Variants in ZNF532 observed in about 807,000 individuals in gnomAD.
The protein encoded by ZNF532 is zinc finger protein 532.
ZNF532 carries 22 observed loss-of-function variants against 89.3 expected under a neutral mutation model. The ratio of observed to expected loss-of-function variants is 0.25; its 90% confidence interval spans 0.18 to 0.35. ZNF532 has a LOEUF of 0.35. Among genes scored for constraint, ZNF532 ranks in the 10% least tolerant of loss-of-function variants. ZNF532 has a pLI of 1.00. For synonymous variants in ZNF532, 606 were observed against 649.6 expected (o/e 0.93, Z 1.02); for missense variants, 1,132 against 1,643.4 (o/e 0.69, Z 5.38).
chr18:58,914,692 TAAATA>T (rs1201633451), intron 2 of ZNF532, among the ~76,000 whole-genome samples: 2 of 152,052 alleles, frequency 1.3e-5, no homozygotes, highest in Non-Finnish European at 2.9e-5. Context: ...AAAAAATAAA[TAAATA>T]AAATAAAAGA....
At position 58,878,641 on chromosome 18, in the gene ZNF532, G is replaced by A. The variant is rs188901190; in HGVS notation, c.-18+13062G>A. Among the ~76,000 whole-genome samples, 17 of 152,354 alleles carry A rather than the reference G, an allele frequency of 1.1e-4. 1 individual carries two copies. Among genetic ancestry groups the A allele is most frequent in the Middle Eastern group, 3.4e-3 (1 of 294 alleles). ...CGTGGCCCAGGTGGCTGAGGTGAGG[G>A]GTGTGCATTGGGAGAGGCAGTAGCT... On this transcript the variant is annotated intron_variant, in intron 2 of 9. Coordinates refer to ENST00000591808, the MANE Select transcript of ZNF532 (RefSeq NM_001375912.1).
At chr18:58,867,057 C>G (rs768488600) in intron 2 of ZNF532, among the ~76,000 whole-genome samples, 31 of 152,338 alleles carry the variant, frequency 2.0e-4, no homozygotes, top group Non-Finnish European at 3.7e-4. Flanking sequence ...GCTGCTTCTG[C>G]GTTTCTGATG....
chr18:58,918,435 G>T lies in ZNF532; in HGVS notation c.148G>T (p.Asp50Tyr). The T allele has an allele frequency of 6.2e-7, 1 of 1,614,166 alleles. No homozygotes were observed. Among genetic ancestry groups the T allele is most frequent in the South Asian group, 1.1e-5 (1 of 91,080 alleles). The stretch of plus-strand genomic sequence containing the variant: ...GAAGCAGAATGCTCACGGAGAGGAT[G>T]ACTCCCACGCACCATCATCTTCTGA... ...HMKQNAHGEDDSHAPSSSDVG... is the reference protein window; with the variant it reads ...HMKQNAHGEDYSHAPSSSDVG... The change falls in exon 3 of 10, where the codon GAC (aspartate) becomes TAC (tyrosine). Residue 50 changes from aspartate (D) to tyrosine (Y), a missense_variant. Physicochemically the swap from Asp to Tyr is radical, Grantham distance 160. Coordinates refer to ENST00000591808, the MANE Select transcript of ZNF532 (RefSeq NM_001375912.1).
chr18:58,866,534 G>T (rs955854288), intron 2 of ZNF532, among the ~76,000 whole-genome samples: 3 of 152,218 alleles, frequency 2.0e-5, no homozygotes, highest in African/African-American at 2.4e-5. Flanking sequence ...CTTTCTGCTG[G>T]TTTTTGGTAA....
chr18:58,888,842 T>TATATATATA (rs1491117857), intron 2 of ZNF532, among the ~76,000 whole-genome samples: 1,671 of 44,758 alleles, frequency 0.037, 139 homozygotes, highest in South Asian at 0.046. Flanking sequence ...ATATATAATT[T>TATATATATA]ATATATATAT....
intron 3 of ZNF532, 66 bp downstream of exon 3, chr18:58,920,699 G>A: frequency 1.4e-6 from 2 of 1,408,236 alleles, no homozygotes; most frequent in East Asian, 2.3e-5. Flanking sequence ...TTGATAAGAT[G>A]CCCTTGATTT....
rs894878686 is a variant in ZNF532 at position 58,983,963 on chromosome 18, C to T, written c.3412-9C>T. Reference sequence around the variant, plus strand: ...TTCAGTCGTGTCATTTGCTTTCTTTCCCTGAAAGGTCCCCAGTCCCAAGCG... The same window carrying T: ...TTCAGTCGTGTCATTTGCTTTCTTTTCCTGAAAGGTCCCCAGTCCCAAGCG... On this transcript the variant is annotated splice_polypyrimidine_tract_variant and intron_variant, in intron 9 of 9. Transcript: ENST00000591808. 1.9e-6 allele frequency: 3 copies of T among 1,596,640 alleles called. No individual in the cohort carries two copies. Among genetic ancestry groups the T allele is most frequent in the East Asian group, 4.5e-5 (2 of 44,612 alleles).
At chr18:58,968,628 G>A (rs2066158020) in intron 7 of ZNF532, among the ~76,000 whole-genome samples, 1 of 152,212 alleles carries the variant, frequency 6.6e-6, no homozygotes, top group Non-Finnish European at 1.5e-5. Flanking sequence ...ATGGCAGGTA[G>A]AGCGTAGACA....
intron 2 of ZNF532, among the ~76,000 whole-genome samples, chr18:58,880,768 G>GTGTA (rs1568227586): frequency 2.3e-4 from 33 of 145,408 alleles, no homozygotes; most frequent in African/African-American, 8.6e-4. Flanking sequence ...GCGCACGCGC[G>GTGTA]CGCGTCTGTG....
In ZNF532 at chr18:58,985,785, T is replaced by TTTA. The variant is rs2068335923; in HGVS notation, c.*1319_*1320insTTA. 6.6e-6 allele frequency: 1 copy of TTTA among 150,770 alleles called. No homozygotes were observed. The allele number at this position is 150,770 out of a possible 1,614,324, so 9.3% of individuals were successfully genotyped here. On this transcript the variant is annotated 3_prime_UTR_variant, in exon 10 of 10. Coordinates refer to ENST00000591808, the MANE Select transcript of ZNF532 (RefSeq NM_001375912.1). ...TTTGTACCTTTTTTTTTTTTTTTTTTAAGAAAAGGAATTCTTTTGTGTATA... is the reference window on the plus strand; with the variant it reads ...TTTGTACCTTTTTTTTTTTTTTTTTTTTAAAGAAAAGGAATTCTTTTGTGTATA...
chr18:58,895,699 G>C (rs538879513), intron 2 of ZNF532, among the ~76,000 whole-genome samples: 3 of 152,208 alleles, frequency 2.0e-5, no homozygotes, highest in South Asian at 2.1e-4. Flanking sequence ...ATGGGCAAAG[G>C]CTAAAAATCG....
At chr18:58,942,236 A>G (rs997547616) in intron 5 of ZNF532, among the ~76,000 whole-genome samples, 29 of 149,858 alleles carry the variant, frequency 1.9e-4, no homozygotes, top group Non-Finnish European at 3.0e-4. Flanking sequence ...GTTAGCCAGG[A>G]TGGTCTCGAA....
intron 5 of ZNF532, among the ~76,000 whole-genome samples, chr18:58,942,354 CCTT>C (rs1568383442): frequency 0.016 from 989 of 59,994 alleles, 34 homozygotes; most frequent in African/African-American, 0.028. Context: ...TCCCTCCCTT[CCTT>C]CCTTCCTTCC....
At chr18:58,974,672 C>T (rs933671662) in intron 7 of ZNF532, among the ~76,000 whole-genome samples, 3 of 152,170 alleles carry the variant, frequency 2.0e-5, no homozygotes, top group Non-Finnish European at 2.9e-5. Flanking sequence ...AACACATACA[C>T]ACAACAAACC....
At chr18:58,941,810 GTTTCT>G (rs1334746295) in intron 5 of ZNF532, among the ~76,000 whole-genome samples, 1 of 149,636 alleles carries the variant, frequency 6.7e-6, no homozygotes, top group Non-Finnish European at 1.5e-5. Context: ...TCTTTTCTTT[GTTTCT>G]TTTCTTTTTT....
intron 2 of ZNF532, among the ~76,000 whole-genome samples, chr18:58,916,219 G>T (rs1174626511): frequency 6.6e-6 from 1 of 152,234 alleles, no homozygotes; most frequent in African/African-American, 2.4e-5. Flanking sequence ...ATGATGAATA[G>T]AAAGAAGAGT....
intron 3 of ZNF532, among the ~76,000 whole-genome samples, chr18:58,933,441 A>G (rs1168477366): frequency 6.6e-6 from 1 of 152,182 alleles, no homozygotes; most frequent in African/African-American, 2.4e-5. Context: ...AATATAAACA[A>G]ATGCTTTAAA....
intron 2 of ZNF532, among the ~76,000 whole-genome samples, chr18:58,874,033 C>T (rs567015569): frequency 6.6e-6 from 1 of 152,292 alleles, no homozygotes; most frequent in Non-Finnish European, 1.5e-5. Context: ...TTCCTACAAT[C>T]TTAGCTGTTG....
Position 58,920,363 on chromosome 18 carries a change from T to G in ZNF532, c.2076T>G (p.Val692=). Reference sequence around the variant, plus strand: ...CAGTCCCAGCAGATCAAATGATAGTTTCTCCGTCAAGCAATACTTCCACTT... The same window carrying G: ...CAGTCCCAGCAGATCAAATGATAGTGTCTCCGTCAAGCAATACTTCCACTT... ...LKPVPADQMI[V]SPSSNTSTST... Residue 692 remains valine (V), a synonymous_variant, in exon 3 of 10, where the codon GTT becomes GTG. Transcript: ENST00000591808. The G allele has an allele frequency of 6.2e-7, 1 of 1,613,952 alleles. No individual in the cohort carries two copies. Among genetic ancestry groups the G allele is most frequent in the Non-Finnish European group, 8.5e-7 (1 of 1,179,854 alleles).
Sources: gnomAD v4.1 joint callset for allele counts (sites outside exome capture counted in the v4.1 genomes callset) on GRCh38, gnomAD v4.1.1 for gene constraint, MANE v1.5 for transcripts, NCBI Gene and HGNC (gene_info 2026-07-23, HGNC 2026-07-21) for gene names.